The following ROCK1 variants were observed in gnomAD, a reference collection of about 807,000 sequenced individuals.
ROCK1 encodes rho-associated protein kinase 1.
A neutral mutation model predicts 196.8 loss-of-function variants in ROCK1; 36 were observed. That is an observed-to-expected ratio of 0.18 (90% CI 0.14 to 0.24). The LOEUF (loss-of-function observed/expected upper bound fraction) is 0.24, where lower values mean the gene tolerates loss of function less well. ROCK1 is among the 10% of genes least tolerant of loss of function. The pLI is 1.00. For synonymous variants in ROCK1, 443 were observed against 515.9 expected, an observed-to-expected ratio of 0.86 and a Z score of 1.91; for missense variants, 920 against 1,562.0, an observed-to-expected ratio of 0.59 and a Z score of 6.93.
At chr18:20,959,057 T>TTTTATATAATATATATATTTTA (rs1555743135) in intron 29 of ROCK1, among the ~76,000 whole-genome samples, 1 of 46,920 alleles carries the variant, frequency 2.1e-5, no homozygotes, top group African/African-American at 1.6e-4. Context: ...AATATATATA[T>TTTTATATAATATATATATTTTA]TATATTTTAT....
intron 2 of ROCK1, among the ~76,000 whole-genome samples, chr18:21,052,672 G>A (rs1431013881): frequency 1.3e-5 from 2 of 152,040 alleles, no homozygotes; most frequent in Non-Finnish European, 2.9e-5. Flanking sequence ...TTCTCACAGG[G>A]GCACAAACCC....
intron 19 of ROCK1, among the ~76,000 whole-genome samples, chr18:20,985,852 T>A (rs1242271683): frequency 2.6e-5 from 4 of 152,120 alleles, no homozygotes; most frequent in Non-Finnish European, 4.4e-5. Context: ...ATAGCTCCCA[T>A]GCAAGTTTTA....
chr18:20,984,611 C>G, intron 19 of ROCK1, 76 bp from the exon 20 acceptor site: 1 of 1,055,758 alleles, frequency 9.5e-7, no homozygotes, highest in Admixed American at 2.5e-5. Context: ...GACTACTAAC[C>G]AAATCAAGTA....
intron 22 of ROCK1, among the ~76,000 whole-genome samples, chr18:20,971,495 T>C (rs1164776233): frequency 6.6e-6 from 1 of 151,596 alleles, no homozygotes; most frequent in Non-Finnish European, 1.5e-5. Context: ...TCCCAGCCCT[T>C]TGGGAGGCTG....
At chr18:21,051,047 A>C (rs997128726) in intron 2 of ROCK1, among the ~76,000 whole-genome samples, 2 of 152,232 alleles carry the variant, frequency 1.3e-5, no homozygotes, top group Non-Finnish European at 2.9e-5. Context: ...GAGGACACCT[A>C]ACTAAAGCCT....
chr18:21,079,823 T>C (rs1450679684), intron 1 of ROCK1, among the ~76,000 whole-genome samples: 1 of 152,192 alleles, frequency 6.6e-6, no homozygotes, highest in African/African-American at 2.4e-5. Flanking sequence ...TTTGCCCTCC[T>C]GTGTGCAGAA....
intron 16 of ROCK1, among the ~76,000 whole-genome samples, chr18:20,996,029 C>T (rs1175774167): frequency 1.3e-5 from 2 of 152,110 alleles, no homozygotes; most frequent in South Asian, 2.1e-4. Flanking sequence ...ACAAACATCA[C>T]GACCATTCAG....
At chr18:21,108,100 C>T (rs1163863292) in intron 1 of ROCK1, among the ~76,000 whole-genome samples, 9 of 151,180 alleles carry the variant, frequency 6.0e-5, no homozygotes, top group Admixed American at 5.3e-4. Flanking sequence ...TTCAGATTGA[C>T]GGGGTAATAA....
chr18:21,092,572 C>T (rs1231502088), intron 1 of ROCK1, among the ~76,000 whole-genome samples: 1 of 115,162 alleles, frequency 8.7e-6, no homozygotes, highest in Non-Finnish European at 1.6e-5. Flanking sequence ...TAAGCAAGAC[C>T]TCATCTTTAA....
rs367961522 is a variant in ROCK1 at position 20,991,206 on chromosome 18, T to C, written c.2113A>G (p.Ile705Val). 1.9e-6 allele frequency: 3 copies of C among 1,611,412 alleles called. No homozygotes were observed. The highest frequency in any genetic ancestry group is 1.7e-5 in the Admixed American group (1 of 59,254). ...KARLTDKHQS[I>V]EEAKSVAMCE... The stretch of plus-strand genomic sequence containing the variant: ...ATTGCCACAGACTTTGCCTCTTCAA[T>C]AGATTGATGTTTGTCAGTTAAACGA... Residue 705 changes from isoleucine to valine, a missense_variant, in exon 18 of 33, where the codon ATT (isoleucine) becomes GTT (valine). By Grantham distance (29) the Ile-to-Val change is conservative. This residue lies in a region of ROCK1 where 520 missense variants were observed against 657.1 expected (regional missense o/e 0.79). Transcript: ENST00000399799.
At chr18:21,057,470 T>C (rs1351196529) in intron 2 of ROCK1, among the ~76,000 whole-genome samples, 1 of 152,210 alleles carries the variant, frequency 6.6e-6, no homozygotes, top group African/African-American at 2.4e-5. Context: ...ATTTCAATCA[T>C]ATATAAACTC....
At chr18:21,080,947 G>T (rs1350623759) in intron 1 of ROCK1, among the ~76,000 whole-genome samples, 1 of 151,934 alleles carries the variant, frequency 6.6e-6, no homozygotes, top group Admixed American at 6.6e-5. Context: ...TTTCAGTAAT[G>T]AATAGAACCA....
intron 22 of ROCK1, among the ~76,000 whole-genome samples, chr18:20,973,006 A>T (rs1426135110): frequency 1.3e-5 from 2 of 152,056 alleles, no homozygotes; most frequent in African/African-American, 4.8e-5. Flanking sequence ...CAGCCTCCCG[A>T]GTAGTTGGGA....
At chr18:20,971,665 AAAAT>A (rs56208525) in intron 22 of ROCK1, among the ~76,000 whole-genome samples, 33,278 of 137,352 alleles carry the variant, frequency 0.24, 4,540 homozygotes, top group Non-Finnish European at 0.31. Context: ...CTCCGTCTCA[AAAAT>A]AAATAAATAA....
chr18:21,092,481 G>A (rs2036578763), intron 1 of ROCK1, among the ~76,000 whole-genome samples: 2 of 151,232 alleles, frequency 1.3e-5, no homozygotes, highest in South Asian at 2.1e-4. Flanking sequence ...CTACTCGGGA[G>A]GCTGAGGTGG....
At chr18:21,023,489 G>A (rs1234323963) in intron 11 of ROCK1, 131 bp downstream of exon 11, 2 of 447,496 alleles carry the variant, frequency 4.5e-6, no homozygotes, top group Non-Finnish European at 8.0e-6. Context: ...GGAGATGAAA[G>A]TGCCATAAAA....
Position 21,024,198 on chromosome 18 carries a change from C to A in ROCK1, c.1212-518G>T, listed in dbSNP as rs187371899. ...CCTCTTCGGGTCAAAAAAGTTTTTG[C>A]CTATGTGGGTGAAATAACAGAACCA... On this transcript the variant is annotated intron_variant, in intron 10 of 32. Transcript: ENST00000399799. 5.9e-5 allele frequency among the ~76,000 whole-genome samples: 9 copies of A among 152,228 alleles called. No homozygotes were observed. In the East Asian group the frequency reaches 1.5e-3, roughly 26 times the overall value.
intron 1 of ROCK1, among the ~76,000 whole-genome samples, chr18:21,091,918 T>A (rs1490168546): frequency 6.6e-6 from 1 of 151,872 alleles, no homozygotes; most frequent in Non-Finnish European, 1.5e-5. Context: ...GGGCAAAGGT[T>A]GCAGTGAGCC....
At chr18:20,978,916 T>C (rs1324579302) in intron 22 of ROCK1, among the ~76,000 whole-genome samples, 26 of 152,252 alleles carry the variant, frequency 1.7e-4, no homozygotes, top group Non-Finnish European at 2.6e-4. Flanking sequence ...CTGTAATTGT[T>C]TGTTTCAACA....
Sources: allele counts gnomAD v4.1 joint callset (sites outside exome capture counted in the v4.1 genomes callset), GRCh38; gene constraint gnomAD v4.1.1; regional missense constraint gnomAD v4.1.1; transcripts MANE v1.5; gene names NCBI Gene and HGNC (gene_info 2026-07-23, HGNC 2026-07-21).